FXR1: variants seen among roughly 807,000 people sequenced by gnomAD.
FXR1 encodes FMR1 autosomal homolog 1.
FXR1 carries 15 observed loss-of-function variants against 84.0 expected under a neutral mutation model. The observed-to-expected ratio is 0.18, with a 90% CI of 0.12 to 0.27. The LOEUF (loss-of-function observed/expected upper bound fraction) is 0.27. FXR1 is among the 10% of genes least tolerant of loss of function. The pLI, the probability that FXR1 is intolerant of heterozygous loss-of-function variation, is 1.00. For missense variants in FXR1, 480 were observed against 774.4 expected (o/e 0.62, Z 4.51); for synonymous variants, 245 against 250.7 (o/e 0.98, Z 0.21).
chr3:180,966,061 T>G (rs1411430932), intron 13 of FXR1, among the ~76,000 whole-genome samples: 2 of 152,132 alleles, frequency 1.3e-5, no homozygotes, highest in African/African-American at 4.8e-5. Context: ...GTAAATAAAT[T>G]CAGAAGTTCT....
At chr3:180,947,559 C>T (rs902833258) in intron 3 of FXR1, among the ~76,000 whole-genome samples, 3 of 152,058 alleles carry the variant, frequency 2.0e-5, no homozygotes, top group Admixed American at 2.0e-4. Context: ...ACAGGAAGAC[C>T]TGTGTTTTAC....
intron 7 of FXR1, among the ~76,000 whole-genome samples, chr3:180,949,744 G>A (rs1226719122): frequency 6.6e-6 from 1 of 152,148 alleles, no homozygotes; most frequent in East Asian, 1.9e-4. Flanking sequence ...CAGGACCTCT[G>A]TTTCGTGACT....
At chr3:180,962,061 T>C (rs1162469491) in intron 11 of FXR1, among the ~76,000 whole-genome samples, 1 of 152,204 alleles carries the variant, frequency 6.6e-6, no homozygotes, top group Non-Finnish European at 1.5e-5. Context: ...TTTGAGTTGA[T>C]ACATAAAGAG....
intron 1 of FXR1, among the ~76,000 whole-genome samples, chr3:180,921,601 T>C (rs1576892784): frequency 6.6e-6 from 1 of 152,188 alleles, no homozygotes; most frequent in East Asian, 1.9e-4. Flanking sequence ...AAATTACAAC[T>C]TAGATCTTTT....
At chr3:180,941,032 G>T (rs555869549) in intron 3 of FXR1, among the ~76,000 whole-genome samples, 3 of 152,100 alleles carry the variant, frequency 2.0e-5, no homozygotes, top group East Asian at 3.9e-4. Context: ...TCCTTTTCTA[G>T]TCATATGGCG....
intron 1 of FXR1, among the ~76,000 whole-genome samples, chr3:180,931,516 G>T (rs1719896145): frequency 6.6e-6 from 1 of 152,080 alleles, no homozygotes; most frequent in South Asian, 2.1e-4. Flanking sequence ...ACTGCACCGG[G>T]CCTACCATAG....
chr3:180,948,872 A>G (rs979267793), intron 6 of FXR1, 58 bp downstream of exon 6: 2 of 815,602 alleles, frequency 2.5e-6, no homozygotes, highest in Non-Finnish European at 4.2e-6. Context: ...AGATTTTATA[A>G]TTACATATTT....
intron 13 of FXR1, 142 bp downstream of exon 13, chr3:180,963,232 C>G: frequency 6.9e-6 from 4 of 581,858 alleles, no homozygotes; most frequent in Non-Finnish European, 1.2e-5. Flanking sequence ...AGGTTTAGTA[C>G]ACGTCTTAAT....
chr3:180,943,817 T>A (rs1721395831), intron 3 of FXR1, among the ~76,000 whole-genome samples: 1 of 152,154 alleles, frequency 6.6e-6, no homozygotes, highest in Admixed American at 6.5e-5. Flanking sequence ...GACATAACAT[T>A]TTCAGCAAAT....
chr3:180,960,771 T>A (rs1176034514), intron 10 of FXR1, among the ~76,000 whole-genome samples: 1 of 152,162 alleles, frequency 6.6e-6, no homozygotes, highest in African/African-American at 2.4e-5. Context: ...TGCCAGAAAA[T>A]CATTTTAACT....
intron 14 of FXR1, 46 bp from the exon 15 acceptor site, chr3:180,970,112 T>C (rs747141249): frequency 6.2e-6 from 6 of 963,950 alleles, no homozygotes; most frequent in Non-Finnish European, 1.0e-5. Context: ...CATTCATAAT[T>C]GCAGTACTCT....
chr3:180,923,214 T>C (rs879130277), intron 1 of FXR1, among the ~76,000 whole-genome samples: 1 of 152,214 alleles, frequency 6.6e-6, no homozygotes, highest in Admixed American at 6.5e-5. Flanking sequence ...TGTATCTCCC[T>C]CACTTCTAGG....
chr3:180,942,939 G>C (rs549256578), intron 3 of FXR1, among the ~76,000 whole-genome samples: 1 of 152,200 alleles, frequency 6.6e-6, no homozygotes, highest in South Asian at 2.1e-4. Context: ...GATATGATTT[G>C]ATCCATAGCA....
chr3:180,968,560 G>C (rs1713131740), intron 14 of FXR1, among the ~76,000 whole-genome samples: 1 of 152,042 alleles, frequency 6.6e-6, no homozygotes, highest in African/African-American at 2.4e-5. Context: ...GTTTTCCCTA[G>C]AATTTTGGGG....
chr3:180,936,141 T>G (rs1351428795), intron 3 of FXR1, among the ~76,000 whole-genome samples: 1 of 146,210 alleles, frequency 6.8e-6, no homozygotes, highest in Non-Finnish European at 1.5e-5. Flanking sequence ...ATCTGCCCAC[T>G]TTGTCCCCCC....
At chr3:180,926,478 G>GTATATATATATATATATA (rs34325096) in intron 1 of FXR1, among the ~76,000 whole-genome samples, 2 of 75,388 alleles carry the variant, frequency 2.7e-5, no homozygotes, top group South Asian at 4.8e-4. Context: ...GGATTGTACT[G>GTATATATATATATATATA]TATATATATA....
chr3:180,968,527 CTTAT>C, intron 14 of FXR1: 1 of 257,402 alleles, frequency 3.9e-6, no homozygotes, highest in East Asian at 7.4e-5. Flanking sequence ...GTTTTGGAGG[CTTAT>C]TTAATTAGAA....
At chr3:180,914,690 C>T in intron 1 of FXR1, 1 of 768,966 alleles carries the variant, frequency 1.3e-6, no homozygotes. Context: ...TTTTGGAACT[C>T]TGAAGTATTT....
Position 180,929,280 on chromosome 3 carries a change from A to AT in FXR1, c.52-4045dup, listed in dbSNP as rs1160030545. ...CAGAGTTATGTGGGCATTTTAAGAT[A>AT]TTTTTTTTTCCGCCTATCCATAGCA... On this transcript the variant is annotated intron_variant, in intron 1 of 16. Transcript: ENST00000357559. Among the ~76,000 whole-genome samples the AT allele has an allele frequency of 1.9e-3, 285 of 151,432 alleles. 1 individual carries two copies. Among genetic ancestry groups the AT allele is most frequent in the African/African-American group, 6.7e-3 (276 of 41,306 alleles).
Sources: allele counts gnomAD v4.1 joint callset (sites outside exome capture counted in the v4.1 genomes callset), GRCh38; gene constraint gnomAD v4.1.1; transcripts MANE v1.5; gene names NCBI Gene and HGNC (gene_info 2026-07-23, HGNC 2026-07-21).